Variants in CTNND1 observed in about 807,000 individuals in gnomAD.
The protein encoded by CTNND1 is catenin delta 1.
A neutral mutation model predicts 112.1 loss-of-function variants in CTNND1; 16 were observed. That is an observed-to-expected ratio of 0.14 (90% CI 0.10 to 0.22). The LOEUF is 0.22. CTNND1 is among the 10% of genes least tolerant of loss of function. The pLI, the probability that CTNND1 is intolerant of heterozygous loss-of-function variation, is 1.00. For missense variants in CTNND1, 1,008 were observed against 1,257.0 expected (o/e 0.80, Z 3.00); for synonymous variants, 420 against 446.5 (o/e 0.94, Z 0.75).
rs540134455 is a variant in CTNND1, at chr11:57,795,451, C to T, written c.268-126C>T. On this transcript the variant is annotated intron_variant, in intron 4 of 20. Transcript: ENST00000399050. ...GATGACAGCCACCCATCTAAAAATC[C>T]TGAGGCCTATAGAAGATGCATGAGG... is the stretch of plus-strand genomic sequence containing the variant. 4.2e-4 allele frequency: 408 copies of T among 978,438 alleles called. 7 individuals carry two copies. The South Asian group carries it at 6.8e-3, about 16-fold the overall frequency. 60.6% of individuals were successfully genotyped at this position (978,438 alleles called of 1,614,324 possible). A position where few individuals can be genotyped will look rare whatever the true frequency, so the allele number is the denominator to read the frequency against.
At chr11:57,814,521 A>T in intron 18 of CTNND1, 148 bp downstream of exon 18, 1 of 629,718 alleles carries the variant, frequency 1.6e-6, no homozygotes, top group Non-Finnish European at 2.8e-6. Flanking sequence ...GAAGGATGTA[A>T]GGAAATTTAA....
Position 57,788,799 on chromosome 11 carries a change from C to T in CTNND1, c.-213-238C>T, listed in dbSNP as rs2060395724. On this transcript the variant is annotated intron_variant, in intron 1 of 20. Transcript: ENST00000399050. This position sits in a 1 kb window ranked among gnomAD's most constrained non-coding sequence, Gnocchi z 4.1. ...CTGTTCCTGGTTATATATGGAAATA[C>T]AAATAGAGGAGCTCTCACTTGACAG... Among the ~76,000 whole-genome samples the T allele has an allele frequency of 6.6e-6, 1 of 152,058 alleles. No homozygotes were observed. Among genetic ancestry groups the T allele is most frequent in the Non-Finnish European group, 1.5e-5 (1 of 68,028 alleles).
At chr11:57,812,320 G>A (rs2063458952) in intron 17 of CTNND1, among the ~76,000 whole-genome samples, 1 of 152,138 alleles carries the variant, frequency 6.6e-6, no homozygotes, top group Admixed American at 6.6e-5. Context: ...AGGAGTTCAA[G>A]ATCAGCCTGG....
At position 57,767,799 on chromosome 11, in the gene CTNND1, C is replaced by T. The variant is rs115830899; in HGVS notation, c.-214+5680C>T. Among the ~76,000 whole-genome samples, 1,101 of 150,978 alleles carry T rather than the reference C, an allele frequency of 7.3e-3. 20 individuals are homozygous for T. The highest frequency in any genetic ancestry group is 0.025 in the African/African-American group (1,044 of 41,184). On this transcript the variant is annotated intron_variant, in intron 1 of 20. Coordinates refer to ENST00000399050, the MANE Select transcript of CTNND1 (RefSeq NM_001085458.2). ...CTATTAGAATGGATGCTTCAAAGAA[C>T]TCAAATTTCGTTTGTTGAACTAATG...
chr11:57,779,584 CCTT>C (rs1312307438), intron 1 of CTNND1, among the ~76,000 whole-genome samples: 36 of 152,182 alleles, frequency 2.4e-4, no homozygotes, highest in Non-Finnish European at 8.8e-5. Flanking sequence ...CTAGAACAAT[CCTT>C]CTTCTCTGTT....
intron 1 of CTNND1, among the ~76,000 whole-genome samples, chr11:57,787,557 A>G (rs1017306300): frequency 6.6e-5 from 10 of 152,044 alleles, no homozygotes; most frequent in African/African-American, 9.7e-5. Context: ...GGAAGCAGCA[A>G]TTTTTTTTCT....
At position 57,791,661 on chromosome 11, in the gene CTNND1, C is replaced by T. The variant is rs1565323396; in HGVS notation, c.183C>T (p.Thr61=). The T allele has an allele frequency of 6.4e-7, 1 of 1,573,244 alleles. No homozygotes were observed. The highest frequency in any genetic ancestry group is 8.7e-7 in the Non-Finnish European group (1 of 1,155,608). ...CACTCATGGCCAACGGCACACTCAC[C>T]CGCCGGCATCAGGTAACCCCTCTCT... ...ANPLMANGTL[T]RRHQNGRFVG... is the part of the protein sequence containing the mutation. Residue 61 remains threonine, a synonymous_variant, in exon 3 of 21, where the codon ACC becomes ACT. Transcript: ENST00000399050.
At chr11:57,789,009 C>A in intron 1 of CTNND1, 28 bp from the exon 2 acceptor site, 1 of 1,465,358 alleles carries the variant, frequency 6.8e-7, no homozygotes, top group Non-Finnish European at 9.2e-7. Flanking sequence ...TCCTCTCATT[C>A]CCATTTTTCC....
chr11:57,797,016 A>G (rs2061413822), intron 6 of CTNND1, 24 bp downstream of exon 6: 12 of 1,434,638 alleles, frequency 8.4e-6, no homozygotes, highest in Non-Finnish European at 1.1e-5. Context: ...GGGGAAGAGA[A>G]AAGGGTCTTT....
intron 1 of CTNND1, among the ~76,000 whole-genome samples, chr11:57,778,233 CCTGT>C (rs1337582993): frequency 4.6e-5 from 7 of 151,930 alleles, no homozygotes; most frequent in Admixed American, 2.6e-4. Context: ...CTCTGTGGAG[CCTGT>C]CTTAGTAATC....
Position 57,792,253 on chromosome 11 carries a change from A to T in CTNND1, c.195+580A>T, listed in dbSNP as rs80082457. On this transcript the variant is annotated intron_variant, in intron 3 of 20. Transcript: ENST00000399050. ...GAGAGGGAGCATCATGCTGCTGTTT[A>T]ACCCAAATAACCACAGGAGCCAGTG... 4.8e-3 allele frequency among the ~76,000 whole-genome samples: 738 copies of T among 152,340 alleles called. 2 individuals carry two copies. The highest frequency in any genetic ancestry group is 8.0e-3 in the Non-Finnish European group (546 of 68,036).
chr11:57,795,726 C>T lies in CTNND1; in HGVS notation c.417C>T (p.Thr139=), dbSNP rs1393453421. The T allele has an allele frequency of 3.8e-6, 6 of 1,592,176 alleles. No individual in the cohort carries two copies. Among genetic ancestry groups the T allele is most frequent in the Admixed American group, 1.9e-5 (1 of 53,704 alleles). ...ATGGGACCACTCGGCGCACAGAGAC[C>T]ACGGTAAACTAAGACGTGTGTAAGA... ...SDDGTTRRTE[T]TVKKVVKTVT... The change falls in exon 5 of 21, where the codon ACC becomes ACT. Residue 139 remains threonine, a synonymous_variant. Transcript: ENST00000399050.
intron 16 of CTNND1, 105 bp downstream of exon 16, chr11:57,810,328 A>ATT: frequency 2.0e-5 from 15 of 742,878 alleles, no homozygotes; most frequent in East Asian, 3.6e-5. Flanking sequence ...TGCTAAACCT[A>ATT]TTTTTTTTTT....
intron 2 of CTNND1, 85 bp from the exon 3 acceptor site, chr11:57,791,300 G>C: frequency 8.7e-7 from 1 of 1,155,644 alleles, no homozygotes; most frequent in Non-Finnish European, 1.1e-6. Flanking sequence ...CCACGAGAGG[G>C]CATCTTTGGC....
Position 57,818,969 on chromosome 11 carries a change from ATAGGCC to A in CTNND1, c.*2664_*2669del, listed in dbSNP as rs1288530378. On this transcript the variant is annotated 3_prime_UTR_variant, in exon 21 of 21. Transcript: ENST00000399050. ...TATGCAGTCCTTTAGTCAGAAGTCA[ATAGGCC>A]TATTTATTAATATTTTACAGACCAT... is the stretch of plus-strand genomic sequence containing the variant. 1 of 152,206 alleles carries A rather than the reference ATAGGCC, an allele frequency of 6.6e-6. No homozygotes were observed. Among genetic ancestry groups the A allele is most frequent in the Non-Finnish European group, 1.5e-5 (1 of 68,034 alleles). 9.4% of individuals were successfully genotyped at this position (152,206 alleles called of 1,614,324 possible).
At chr11:57,792,626 G>T (rs1018308292) in intron 3 of CTNND1, among the ~76,000 whole-genome samples, 1 of 152,154 alleles carries the variant, frequency 6.6e-6, no homozygotes, top group African/African-American at 2.4e-5. Context: ...CGCCTCCCGG[G>T]TTCAAGCAAT....
At chr11:57,816,247 CCTT>C (rs2063977080) in intron 20 of CTNND1, 47 bp from the exon 21 acceptor site, 1 of 1,611,376 alleles carries the variant, frequency 6.2e-7, no homozygotes, top group Non-Finnish European at 8.5e-7. Context: ...GGGGGGGTCT[CCTT>C]AATCCCAACC....
intron 1 of CTNND1, among the ~76,000 whole-genome samples, chr11:57,779,706 G>T (rs2059372966): frequency 6.6e-6 from 1 of 152,118 alleles, no homozygotes; most frequent in Non-Finnish European, 1.5e-5. Context: ...AATGAGAGTA[G>T]GGATTGGATT....
chr11:57,805,899 T>G lies in CTNND1; in HGVS notation c.1740T>G (p.Val580=), dbSNP rs1218094938. The part of the protein sequence containing the change: ...DSDSKLVENC[V]CLLRNLSYQV... ...TCCCTAAGCTTGTAGAGAACTGTGT[T>G]TGCCTTCTTCGGAACTTATCATATC... Residue 580 remains valine (V), a synonymous_variant, in exon 10 of 21, where the codon GTT becomes GTG. Transcript: ENST00000399050. The G allele has an allele frequency of 1.2e-5, 19 of 1,613,814 alleles. No homozygotes were observed. Among genetic ancestry groups the G allele is most frequent in the Non-Finnish European group, 1.6e-5 (19 of 1,179,858 alleles).
Sources: gnomAD v4.1 joint callset for allele counts (sites outside exome capture counted in the v4.1 genomes callset) on GRCh38, gnomAD v4.1.1 for gene constraint, Gnocchi (gnomAD v3.1) non-coding constraint, MANE v1.5 for transcripts, NCBI Gene and HGNC (gene_info 2026-07-23, HGNC 2026-07-21) for gene names.